TLR5: variants seen among roughly 807,000 people sequenced by gnomAD.
The protein encoded by TLR5 is toll like receptor 5, also known as toll-like receptor 5.
For synonymous variants in TLR5, 373 were observed against 384.4 expected (o/e 0.97, Z 0.35); for missense variants, 944 against 999.8 (o/e 0.94, Z 0.75).
At chr1:223,115,515 T>G (rs1015491312) in intron 5 of TLR5, among the ~76,000 whole-genome samples, 1 of 152,162 alleles carries the variant, frequency 6.6e-6, no homozygotes, top group African/African-American at 2.4e-5. Context: ...CCTCTCAAAG[T>G]GCTGGGATTA....
chr1:223,116,100 C>G (rs1191691246), intron 5 of TLR5, among the ~76,000 whole-genome samples: 1 of 152,224 alleles, frequency 6.6e-6, no homozygotes, highest in Non-Finnish European at 1.5e-5. Flanking sequence ...CAAAAACCAT[C>G]TTATTTCCAT....
In TLR5 at chr1:223,131,521, G is replaced by A. The variant is rs1657394492; in HGVS notation, c.-5+954C>T. Among the ~76,000 whole-genome samples, 1 of 152,220 alleles carries A rather than the reference G, an allele frequency of 6.6e-6. No individual in the cohort carries two copies. The highest frequency in any genetic ancestry group is 2.4e-5 in the African/African-American group (1 of 41,454). Reference sequence around the variant, plus strand: ...ACCTCAGAAGCCACCTCTGCCATGAGAATTCTACATGCACTTCTCACACTT... The same window carrying A: ...ACCTCAGAAGCCACCTCTGCCATGAAAATTCTACATGCACTTCTCACACTT... On this transcript the variant is annotated intron_variant, in intron 5 of 5. Coordinates refer to ENST00000642603, the MANE Select transcript of TLR5 (RefSeq NM_003268.6). The surrounding 1 kb of genome is among the most constrained non-coding windows in gnomAD (Gnocchi z 4.2).
At chr1:223,126,197 G>A (rs1048934568) in intron 5 of TLR5, among the ~76,000 whole-genome samples, 3 of 152,160 alleles carry the variant, frequency 2.0e-5, no homozygotes, top group African/African-American at 4.8e-5. Context: ...TCTGACACAC[G>A]GTACAAGACG....
At position 223,110,499 on chromosome 1, in the gene TLR5, T is replaced by C; in HGVS notation, c.2533A>G (p.Lys845Glu). 3 of 1,614,174 alleles carry C rather than the reference T, an allele frequency of 1.9e-6. No homozygotes were observed. The highest frequency in any genetic ancestry group is 2.5e-6 in the Non-Finnish European group (3 of 1,180,026). Residue 845 changes from lysine (K) to glutamate (E), a missense_variant, in exon 6 of 6, where the codon AAA (lysine) becomes GAA (glutamate). Lys to Glu is a moderately conservative substitution (Grantham distance 56, BLOSUM62 1). Coordinates refer to ENST00000642603, the MANE Select transcript of TLR5 (RefSeq NM_003268.6). ...GTTTGCAACGGAATGTTATTGTCTT[T>C]CTTCTTTTCTTTTTCTTTCTTTAGT... ...QILKKEKEKK[K>E]DNNIPLQTVA...
At chr1:223,114,573 G>A (rs999047858) in intron 5 of TLR5, among the ~76,000 whole-genome samples, 1 of 152,210 alleles carries the variant, frequency 6.6e-6, no homozygotes, top group African/African-American at 2.4e-5. Context: ...AGCAGTCACG[G>A]TGCTGGAGGT....
intron 5 of TLR5, among the ~76,000 whole-genome samples, chr1:223,120,190 G>C (rs966846467): frequency 6.6e-6 from 1 of 151,970 alleles, no homozygotes; most frequent in East Asian, 1.9e-4. Flanking sequence ...TCCTGATCCA[G>C]GAGGGATTTA....
chr1:223,112,239 T>C lies in TLR5; in HGVS notation c.793A>G (p.Met265Val), dbSNP rs1172009561. 2 of 1,614,182 alleles carry C rather than the reference T, an allele frequency of 1.2e-6. No individual in the cohort carries two copies. Among genetic ancestry groups the C allele is most frequent in the Non-Finnish European group, 1.7e-6 (2 of 1,180,028 alleles). Residue 265 changes from methionine to valine, a missense_variant, in exon 6 of 6, where the codon ATG becomes GTG. Coordinates refer to ENST00000642603, the MANE Select transcript of TLR5 (RefSeq NM_003268.6). ...AFSLILAHHI[M>V]GAGFGFHNIK... ...TTATGGAAGCCAAACCCGGCACCCA[T>C]GATGTGGTGGGCAAGAATCAAAGAG...
intron 5 of TLR5, among the ~76,000 whole-genome samples, chr1:223,114,914 T>C (rs1571731732): frequency 1.3e-5 from 2 of 152,272 alleles, no homozygotes; most frequent in Middle Eastern, 3.4e-3. Flanking sequence ...GTCCTGTTGG[T>C]GCCACCTCCC....
chr1:223,127,415 TAC>T (rs1657213158), intron 5 of TLR5: 1 of 152,198 alleles, frequency 6.6e-6, no homozygotes, highest in Non-Finnish European at 1.5e-5. Context: ...CAAAAGTAGG[TAC>T]AGCATGTGGG....
At chr1:223,116,402 T>A (rs1305886571) in intron 5 of TLR5, among the ~76,000 whole-genome samples, 1 of 152,152 alleles carries the variant, frequency 6.6e-6, no homozygotes, top group Admixed American at 6.5e-5. Flanking sequence ...TCTGGAGTTG[T>A]TCATTCTTCC....
At chr1:223,119,013 G>A (rs1100887) in intron 5 of TLR5, among the ~76,000 whole-genome samples, 100,111 of 151,766 alleles carry the variant, frequency 0.66, 34,177 homozygotes, top group African/African-American at 0.84. Flanking sequence ...CTCAGGCAGG[G>A]GAATTGCTTG....
chr1:223,133,582 G>A (rs1415477405), intron 4 of TLR5, among the ~76,000 whole-genome samples: 1 of 152,152 alleles, frequency 6.6e-6, no homozygotes, highest in Non-Finnish European at 1.5e-5. Context: ...GAGCTGCCTC[G>A]TTCTTCCAGG....
chr1:223,128,040 A>C (rs1657242608), intron 5 of TLR5: 1 of 152,268 alleles, frequency 6.6e-6, no homozygotes, highest in Non-Finnish European at 1.5e-5. Flanking sequence ...CCCATGTCTG[A>C]GAACCATGAG....
chr1:223,111,601 C>T lies in TLR5; in HGVS notation c.1431G>A (p.Gln477=). ...GCAACATATTTTCTCCAAGGAAAAG[C>T]TGTTCTAAGCTGGGATTCTCTGAAG... ...QTPSENPSLE[Q]LFLGENMLQL... The change falls in exon 6 of 6, where the codon CAG becomes CAA. Residue 477 remains glutamine, a synonymous_variant. Transcript: ENST00000642603. 6.2e-7 allele frequency: 1 copy of T among 1,614,132 alleles called. No homozygotes were observed. Among genetic ancestry groups the T allele is most frequent in the Non-Finnish European group, 8.5e-7 (1 of 1,180,012 alleles).
At chr1:223,124,357 C>T (rs1253154361) in intron 5 of TLR5, among the ~76,000 whole-genome samples, 1 of 151,830 alleles carries the variant, frequency 6.6e-6, no homozygotes, top group Non-Finnish European at 1.5e-5. Context: ...GCAGGAGAAA[C>T]CCTTGAGCCC....
At chr1:223,134,601 T>C (rs1657529353) in intron 4 of TLR5, 81 bp downstream of exon 4, 1 of 152,344 alleles carries the variant, frequency 6.6e-6, no homozygotes, top group Non-Finnish European at 1.5e-5. Context: ...TAATTTTTAG[T>C]GATTATTAAA....
intron 5 of TLR5, chr1:223,127,061 T>C (rs851190): frequency 0.7 from 105,544 of 151,622 alleles, 38,075 homozygotes; most frequent in African/African-American, 0.9. Flanking sequence ...AACACACAGC[T>C]TGCATTTCAG....
At chr1:223,142,381 G>C (rs1405293614) in intron 1 of TLR5, among the ~76,000 whole-genome samples, 1 of 152,134 alleles carries the variant, frequency 6.6e-6, no homozygotes, top group Non-Finnish European at 1.5e-5. Context: ...GTGCTGGACG[G>C]ATGTGTTCCC....
chr1:223,141,818 T>TAG (rs1558137163), intron 1 of TLR5, 55 bp from the exon 2 acceptor site: 78 of 43,264 alleles, frequency 1.8e-3, no homozygotes, highest in Non-Finnish European at 2.6e-3. Context: ...TATATATATA[T>TAG]ATATAGAGAG....
Sources: allele counts gnomAD v4.1 joint callset (sites outside exome capture counted in the v4.1 genomes callset), GRCh38; gene constraint gnomAD v4.1.1; non-coding constraint Gnocchi (gnomAD v3.1); transcripts MANE v1.5; gene names NCBI Gene and HGNC (gene_info 2026-07-23, HGNC 2026-07-21).